CFAP65: variants seen among roughly 807,000 people sequenced by gnomAD.
CFAP65 encodes cilia and flagella associated protein 65.
Under a neutral mutation model 208.0 loss-of-function variants are expected in CFAP65, and 155 were observed. The observed-to-expected ratio is 0.75, with a 90% CI of 0.65 to 0.85. CFAP65 has a LOEUF of 0.85. Ranked by LOEUF, CFAP65 falls within the 40% of genes least tolerant of loss-of-function variation. The pLI is 0.00. For missense variants in CFAP65, 2,294 were observed against 2,451.3 expected, an observed-to-expected ratio of 0.94 and a Z score of 1.36; for synonymous variants, 970 against 986.3, an observed-to-expected ratio of 0.98 and a Z score of 0.31.
intron 24 of CFAP65, among the ~76,000 whole-genome samples, chr2:219,011,311 G>C (rs922388703): frequency 9.5e-5 from 7 of 73,764 alleles, no homozygotes; most frequent in African/African-American, 3.6e-4. Flanking sequence ...GTCTCACTTT[G>C]TCACCCAGGC....
rs780845469 is a variant in CFAP65 at position 219,003,614 on chromosome 2, C to A, written c.5555+338G>T. ...AGGGAATCCCTACAATGACATAAAT[C>A]ATCTGTAGGGCAGCCCCGGCGGGAA... On this transcript the variant is annotated intron_variant, in intron 33 of 34. Transcript: ENST00000341552. This position sits in a 1 kb window ranked among gnomAD's most constrained non-coding sequence, Gnocchi z 4.4. Among the ~76,000 whole-genome samples, 15 of 152,178 alleles carry A rather than the reference C, an allele frequency of 9.9e-5. No individual in the cohort carries two copies. The East Asian group carries it at 1.3e-3, about 14-fold the overall frequency.
chr2:219,039,255 A>T (rs892478717), intron 2 of CFAP65: 3 of 407,848 alleles, frequency 7.4e-6, no homozygotes, highest in Non-Finnish European at 1.3e-5. Context: ...GCTCAAGAGG[A>T]TGCTTGACCT....
intron 5 of CFAP65, chr2:219,033,979 A>G (rs1243511539): frequency 6.6e-6 from 1 of 152,222 alleles, no homozygotes; most frequent in East Asian, 1.9e-4. Context: ...ACAAACAGAA[A>G]TAAAACAACT....
In CFAP65 at chr2:219,024,191, G is replaced by C; in HGVS notation, c.2419C>G (p.Leu807Val). ...SLLLVNKDCK[L>V]LTFSLAPQRG... ...TGGGGGGCCAGGCTGAAGGTCAGCA[G>C]CTTGCAGTCTTTGTTGACCAGGAGC... The change falls in exon 15 of 35, where the codon CTG becomes GTG. Residue 807 changes from leucine (L) to valine (V), a missense_variant. Transcript: ENST00000341552. 1 of 1,614,012 alleles carries C rather than the reference G, an allele frequency of 6.2e-7. No homozygotes were observed. Among genetic ancestry groups the C allele is most frequent in the Non-Finnish European group, 8.5e-7 (1 of 1,180,034 alleles).
Position 219,004,491 on chromosome 2 carries a change from G to A in CFAP65, c.5052-36C>T. On this transcript the variant is annotated intron_variant, in intron 32 of 34. Transcript: ENST00000341552. This position sits in a 1 kb window ranked among gnomAD's most constrained non-coding sequence, Gnocchi z 4.7. ...GGGAGAAGGAGAAGGCCCTTGCTGAGGGGCCCTGAAGCCCCTGGGGAGCCC... is the reference window on the plus strand; with the variant it reads ...GGGAGAAGGAGAAGGCCCTTGCTGAAGGGCCCTGAAGCCCCTGGGGAGCCC... 1 of 1,568,200 alleles carries A rather than the reference G, an allele frequency of 6.4e-7. No individual in the cohort carries two copies. The highest frequency in any genetic ancestry group is 8.6e-7 in the Non-Finnish European group (1 of 1,159,496).
At chr2:219,013,440 A>G (rs1946621956) in intron 23 of CFAP65, 71 bp from the exon 24 acceptor site, 2 of 1,546,972 alleles carry the variant, frequency 1.3e-6, no homozygotes, top group African/African-American at 2.7e-5. Flanking sequence ...CCCCAGGAGA[A>G]CACAGCTCCC....
At chr2:219,029,765 A>C in intron 10 of CFAP65, 97 bp from the exon 11 acceptor site, 2 of 1,453,028 alleles carry the variant, frequency 1.4e-6, no homozygotes, top group Non-Finnish European at 9.4e-7. Context: ...CTACAGGCCC[A>C]GAGCCCTGGC....
chr2:219,005,926 C>G, intron 31 of CFAP65, 95 bp downstream of exon 31: 2 of 1,257,944 alleles, frequency 1.6e-6, no homozygotes, highest in Non-Finnish European at 2.3e-6. Context: ...ATGCTCCACC[C>G]CTCACCATGG....
rs61748323 is a variant in CFAP65, at chr2:219,027,967, G to A, written c.1894C>T (p.Pro632Ser). ...MPAPQYPYIPPMTEFFFDGTS... is the reference protein window; with the variant it reads ...MPAPQYPYIPSMTEFFFDGTS... The stretch of plus-strand genomic sequence containing the variant: ...CCGTCGAAGAAGAACTCGGTCATGG[G>A]GGGGATATAAGGGTACTGCGGGGCC... The change falls in exon 13 of 35, where the codon CCC (proline) becomes TCC (serine). Residue 632 changes from proline to serine, a missense_variant. Physicochemically the swap from Pro to Ser is moderately conservative, Grantham distance 74. Coordinates refer to ENST00000341552, the MANE Select transcript of CFAP65 (RefSeq NM_194302.4). The A allele has an allele frequency of 1.1e-5, 17 of 1,520,404 alleles. No individual in the cohort carries two copies. The highest frequency in any genetic ancestry group is 2.6e-5 in the South Asian group (2 of 75,482). 94.2% of individuals were successfully genotyped at this position (1,520,404 alleles called of 1,614,324 possible).
chr2:219,007,083 C>A (rs1946061442), intron 29 of CFAP65, among the ~76,000 whole-genome samples: 1 of 152,152 alleles, frequency 6.6e-6, no homozygotes, highest in Non-Finnish European at 1.5e-5. Flanking sequence ...GATGAGAAAT[C>A]AGTCTCCCTC....
intron 21 of CFAP65, among the ~76,000 whole-genome samples, chr2:219,017,100 G>T (rs553063123): frequency 6.6e-6 from 1 of 152,336 alleles, no homozygotes; most frequent in South Asian, 2.1e-4. Flanking sequence ...AGTCTGCAGC[G>T]CCTCGAGGGA....
chr2:219,038,706 A>T, intron 3 of CFAP65, 128 bp from the exon 4 acceptor site: 1 of 1,117,596 alleles, frequency 8.9e-7, no homozygotes, highest in Non-Finnish European at 1.3e-6. Flanking sequence ...AACAGGTGCT[A>T]CCTGGCACCA....
In CFAP65 at chr2:219,030,197, G is replaced by A. The variant is rs770661621; in HGVS notation, c.1173C>T (p.Pro391=). The A allele has an allele frequency of 2.6e-4, 424 of 1,613,994 alleles. No homozygotes were observed. Among genetic ancestry groups the A allele is most frequent in the Non-Finnish European group, 3.4e-4 (403 of 1,180,008 alleles). Residue 391 remains proline (P), a synonymous_variant, in exon 10 of 35, where the codon CCC becomes CCT. Transcript: ENST00000341552. The stretch of plus-strand genomic sequence containing the variant: ...CATCCGGGGAAATTTCAATCCTGAA[G>A]GGGGCATTTACCTGTGTGGCCAAGC... The part of the protein sequence containing the change: ...RLHNPSAVNA[P]FRIEISPDEL...
At chr2:219,035,748 C>T (rs1948319520) in intron 4 of CFAP65, 84 bp from the exon 5 acceptor site, 3 of 1,510,338 alleles carry the variant, frequency 2.0e-6, no homozygotes, top group Non-Finnish European at 2.6e-6. Flanking sequence ...AGGTGAAGGT[C>T]TTCGTCCTCC....
intron 5 of CFAP65, chr2:219,034,035 T>C (rs367668840): frequency 6.6e-6 from 1 of 152,150 alleles, no homozygotes; most frequent in Admixed American, 6.5e-5. Context: ...AAAATACTTA[T>C]GAATAAATCT....
Position 219,030,217 on chromosome 2 carries a change from C to T in CFAP65, c.1162-9G>A, listed in dbSNP as rs915608595. 1 of 1,613,308 alleles carries T rather than the reference C, an allele frequency of 6.2e-7. No individual in the cohort carries two copies. The highest frequency in any genetic ancestry group is 1.1e-5 in the South Asian group (1 of 91,056). On this transcript the variant is annotated splice_polypyrimidine_tract_variant and intron_variant, in intron 9 of 34. Coordinates refer to ENST00000341552, the MANE Select transcript of CFAP65 (RefSeq NM_194302.4). ...CTGAAGGGGGCATTTACCTGTGTGG[C>T]CAAGCAGAAGGACAAAGGGTCAGGT...
chr2:219,036,350 A>C (rs1195577721), intron 4 of CFAP65, among the ~76,000 whole-genome samples: 1 of 151,364 alleles, frequency 6.6e-6, no homozygotes, highest in East Asian at 1.9e-4. Context: ...GGGCATGGAA[A>C]CCCCCCTGGG....
rs1559142639 is a variant in CFAP65, at chr2:219,024,112, G to A, written c.2498C>T (p.Ala833Val). Residue 833 changes from alanine (A) to valine (V), a missense_variant, in exon 15 of 35, where the codon GCC becomes GTC. This residue lies in a region of CFAP65 where 1,427 missense variants were observed against 1,438.7 expected (regional missense o/e 0.99). Transcript: ENST00000341552. The part of the protein sequence containing the change: ...RPTSGLVAPG[A>V]HQIILICTYP... ...GGTGCAGATGAGGATGATCTGGTGGGCCCCGGGTGCCACAAGGCCCGAAGT... is the reference window on the plus strand; with the variant it reads ...GGTGCAGATGAGGATGATCTGGTGGACCCCGGGTGCCACAAGGCCCGAAGT... 2 of 1,614,038 alleles carry A rather than the reference G, an allele frequency of 1.2e-6. No individual in the cohort carries two copies. The highest frequency in any genetic ancestry group is 2.2e-5 in the East Asian group (1 of 44,886).
intron 16 of CFAP65, 41 bp downstream of exon 16, chr2:219,023,166 A>G (rs1309772277): frequency 1.2e-5 from 19 of 1,525,554 alleles, no homozygotes; most frequent in Non-Finnish European, 1.6e-5. Context: ...AGATGACAGA[A>G]GTGAAGGTTG....
Sources: allele counts gnomAD v4.1 joint callset (sites outside exome capture counted in the v4.1 genomes callset), GRCh38; gene constraint gnomAD v4.1.1; regional missense constraint gnomAD v4.1.1; non-coding constraint Gnocchi (gnomAD v3.1); transcripts MANE v1.5; gene names NCBI Gene and HGNC (gene_info 2026-07-23, HGNC 2026-07-21).